Variants in PCDH15 observed in about 807,000 individuals in gnomAD.
PCDH15 encodes protocadherin related 15, also known as protocadherin-15.
In PCDH15, 129 loss-of-function variants were observed where a neutral mutation model predicts 178.5. That is an observed-to-expected ratio of 0.72 (90% confidence interval 0.63 to 0.84). The LOEUF is 0.84. Ranked by LOEUF, PCDH15 falls within the 40% of genes least tolerant of loss-of-function variation. PCDH15 has a pLI of 0.00. For missense variants in PCDH15, 2,230 were observed against 2,099.9 expected (o/e 1.06, Z -1.21); for synonymous variants, 800 against 732.0 (o/e 1.09, Z -1.50).
At chr10:54,515,368 C>T (rs1198955224) in intron 3 of PCDH15, among the ~76,000 whole-genome samples, 4 of 152,184 alleles carry the variant, frequency 2.6e-5, no homozygotes, top group Admixed American at 6.5e-5. Flanking sequence ...CATGGAGTCT[C>T]GCTGATTGCT....
intron 1 of PCDH15, among the ~76,000 whole-genome samples, chr10:55,252,766 C>CA (rs1841872847): frequency 6.6e-6 from 1 of 151,874 alleles, no homozygotes; most frequent in Non-Finnish European, 1.5e-5. Context: ...TAAAAGTCAT[C>CA]AATAAAGGAG....
At position 54,589,711 on chromosome 10, in the gene PCDH15, C is replaced by T. The variant is rs1255494655; in HGVS notation, c.92-61834G>A. On this transcript the variant is annotated intron_variant, in intron 2 of 37. Transcript: ENST00000644397. ...TTGCTCCCGGGTTCACACCATTCTC[C>T]CACCTCAGCCTCCCGAGTAGCTGGG... Among the ~76,000 whole-genome samples the T allele has an allele frequency of 2.6e-5, 4 of 152,128 alleles. No homozygotes were observed. In the East Asian group the frequency reaches 7.7e-4, roughly 29 times the overall value.
At chr10:54,318,855 C>T (rs1448711051) in intron 7 of PCDH15, among the ~76,000 whole-genome samples, 1 of 152,112 alleles carries the variant, frequency 6.6e-6, no homozygotes, top group African/African-American at 2.4e-5. Context: ...AACTTCATCA[C>T]CTGGCTGAGG....
chr10:54,971,428 G>A (rs142065504), intron 2 of PCDH15, among the ~76,000 whole-genome samples: 79 of 152,212 alleles, frequency 5.2e-4, no homozygotes, highest in African/African-American at 1.8e-3. Context: ...GGCCCTTACT[G>A]GACAACAAGC....
Position 54,070,601 on chromosome 10 carries a change from G to GT in PCDH15, c.2092-3717dup, listed in dbSNP as rs201645141. Among the ~76,000 whole-genome samples the GT allele has an allele frequency of 1.6e-4, 24 of 150,776 alleles. No individual in the cohort carries two copies. The East Asian group carries it at 2.4e-3, about 15-fold the overall frequency. ...ATCTTTTTTTATTTTCATTGTTGTT[G>GT]TTTTTTTTGAGACATGTCTCATTCT... is the stretch of plus-strand genomic sequence containing the variant. On this transcript the variant is annotated intron_variant, in intron 17 of 37. Transcript: ENST00000644397.
rs368783601 is a variant in PCDH15, at chr10:54,708,480, TATAGAAAATGAA to T, written c.-28-44202_-28-44191del. 3.8e-3 allele frequency among the ~76,000 whole-genome samples: 584 copies of T among 152,290 alleles called. 2 individuals carry two copies. Among genetic ancestry groups the T allele is most frequent in the African/African-American group, 0.013 (553 of 41,564 alleles). On this transcript the variant is annotated intron_variant, in intron 1 of 37. Transcript: ENST00000644397. ...GGCAAAAATTCCATCTATGTAGATA[TATAGAAAATGAA>T]GAAAATTTTTGATTAGACATTATAT...
chr10:54,950,096 A>G (rs549190339), intron 2 of PCDH15, among the ~76,000 whole-genome samples: 6 of 152,032 alleles, frequency 3.9e-5, no homozygotes, highest in Admixed American at 3.9e-4. Context: ...ATACCAATTT[A>G]CTATATTAGT....
Position 53,809,299 on chromosome 10 carries a change from AG to A in PCDH15, c.4671+1256del, listed in dbSNP as rs1404094905. ...TGTTGCTTCCTCTTGGTCCAGAGTG[AG>A]TTTCAAATAATCTTTATCTTCTTCC... is the stretch of plus-strand genomic sequence containing the variant. On this transcript the variant is annotated intron_variant, in intron 37 of 37. Coordinates refer to ENST00000644397, the MANE Select transcript of PCDH15 (RefSeq NM_001384140.1). 5.6e-6 allele frequency: 9 copies of A among 1,613,724 alleles called. No individual in the cohort carries two copies. In the East Asian group the frequency reaches 2.0e-4, roughly 36 times the overall value.
intron 2 of PCDH15, among the ~76,000 whole-genome samples, chr10:55,481,908 G>T (rs1183978672): frequency 2.6e-5 from 4 of 151,526 alleles, no homozygotes; most frequent in African/African-American, 9.7e-5. Flanking sequence ...CTGTCTCAGT[G>T]ATCTAATACT....
chr10:54,403,347 G>A (rs1411142894), intron 3 of PCDH15, among the ~76,000 whole-genome samples: 1 of 151,902 alleles, frequency 6.6e-6, no homozygotes, highest in Non-Finnish European at 1.5e-5. Flanking sequence ...GCAACCACAT[G>A]ATTACATCAA....
In PCDH15 at chr10:53,995,700, T is replaced by G. The variant is rs763397647; in HGVS notation, c.2817A>C (p.Ala939=). ...RIYKGMVAPD[A]VKGTPITTVY... ...CTGTTGTGATAGGTGTACCCTTGAC[T>G]GCATCCGGAGCCACCATCCCTTTGT... is the stretch of plus-strand genomic sequence containing the variant. Residue 939 remains alanine, a synonymous_variant, in exon 21 of 38, where the codon GCA becomes GCC. Transcript: ENST00000644397. 1.9e-6 allele frequency: 3 copies of G among 1,613,852 alleles called. No individual in the cohort carries two copies. Among genetic ancestry groups the G allele is most frequent in the Non-Finnish European group, 2.5e-6 (3 of 1,179,844 alleles).
intron 13 of PCDH15, among the ~76,000 whole-genome samples, chr10:54,174,281 C>T (rs1277169511): frequency 6.6e-6 from 1 of 152,008 alleles, no homozygotes; most frequent in Non-Finnish European, 1.5e-5. Flanking sequence ...ACCTGTAATC[C>T]CAGCACTTTG....
At chr10:54,622,004 A>G (rs1315605480) in intron 2 of PCDH15, among the ~76,000 whole-genome samples, 1 of 152,026 alleles carries the variant, frequency 6.6e-6, no homozygotes, top group Non-Finnish European at 1.5e-5. Context: ...GTTATTACTG[A>G]GGAATGAGAA....
chr10:54,960,867 G>GT (rs1169658100), intron 2 of PCDH15, among the ~76,000 whole-genome samples: 1 of 152,120 alleles, frequency 6.6e-6, no homozygotes, highest in Non-Finnish European at 1.5e-5. Flanking sequence ...ACGTAGGCTG[G>GT]TGTATTCCAG....
intron 2 of PCDH15, among the ~76,000 whole-genome samples, chr10:54,553,184 T>C (rs1281854739): frequency 1.3e-5 from 2 of 152,196 alleles, no homozygotes; most frequent in African/African-American, 4.8e-5. Context: ...TGTACTTTAC[T>C]TACAGATTAT....
At chr10:55,108,639 A>G (rs1837419351) in intron 2 of PCDH15, among the ~76,000 whole-genome samples, 1 of 152,124 alleles carries the variant, frequency 6.6e-6, no homozygotes, top group African/African-American at 2.4e-5. Flanking sequence ...AACTGTAACT[A>G]ATTTCTAATA....
At chr10:55,278,749 T>G (rs1157294769) in intron 1 of PCDH15, among the ~76,000 whole-genome samples, 1 of 152,178 alleles carries the variant, frequency 6.6e-6, no homozygotes, top group Admixed American at 6.6e-5. Context: ...ACAAGACAAA[T>G]GAAAAATACC....
At chr10:54,735,795 T>C (rs1944028258) in intron 1 of PCDH15, among the ~76,000 whole-genome samples, 1 of 118,908 alleles carries the variant, frequency 8.4e-6, no homozygotes, top group Non-Finnish European at 1.7e-5. Flanking sequence ...ATATTCTCAC[T>C]CATAGGTGGG....
Position 54,813,526 on chromosome 10 carries a change from G to T in PCDH15, c.-29+83924C>A, listed in dbSNP as rs188383955. ...AGAGCAGCTCTTTTTTTGTGTTTGCGGGGTGGGGGATCACTTTCATTCCTA... is the reference window on the plus strand; with the variant it reads ...AGAGCAGCTCTTTTTTTGTGTTTGCTGGGTGGGGGATCACTTTCATTCCTA... On this transcript the variant is annotated intron_variant, in intron 3 of 5. Coordinates refer to the PCDH15 transcript ENST00000458638. Among the ~76,000 whole-genome samples, 196 of 152,182 alleles carry T rather than the reference G, an allele frequency of 1.3e-3. 1 individual carries two copies. Among genetic ancestry groups the T allele is most frequent in the Non-Finnish European group, 1.9e-3 (127 of 67,994 alleles).
Sources: gnomAD v4.1 joint callset for allele counts (sites outside exome capture counted in the v4.1 genomes callset) on GRCh38, gnomAD v4.1.1 for gene constraint, MANE v1.5 for transcripts, NCBI Gene and HGNC (gene_info 2026-07-23, HGNC 2026-07-21) for gene names.